TAF15: variants seen among roughly 807,000 people sequenced by gnomAD.
TAF15 encodes the protein TATA-binding protein-associated factor 2N.
In TAF15, 37 loss-of-function variants were observed where a neutral mutation model predicts 102.5. The ratio of observed to expected loss-of-function variants is 0.36; its 90% CI spans 0.28 to 0.47. TAF15 has a LOEUF of 0.47. Among genes scored for constraint, TAF15 ranks in the 20% least tolerant of loss-of-function variants. The pLI is 0.99. For missense variants in TAF15, 652 were observed against 760.7 expected (o/e 0.86, Z 1.68); for synonymous variants, 273 against 259.2 (o/e 1.05, Z -0.51).
chr17:35,815,998 G>A (rs1026444674), intron 1 of TAF15, among the ~76,000 whole-genome samples: 1 of 152,034 alleles, frequency 6.6e-6, no homozygotes, highest in Non-Finnish European at 1.5e-5. Context: ...GTCTCATTCT[G>A]TCGCTAAAGC....
chr17:35,809,767 A>G, intron 1 of TAF15, 191 bp downstream of exon 1: 1 of 739,864 alleles, frequency 1.4e-6, no homozygotes, highest in East Asian at 2.7e-5. Context: ...CCCGGCTGCA[A>G]ATCACGGCGG....
chr17:35,836,194 T>G lies in TAF15; in HGVS notation c.736T>G (p.Ser246Ala). ...IFVQGLGEGV[S>A]TDQVGEFFKQ... ...TGTGCAAGGACTTGGGGAGGGTGTG[T>G]CTACAGATCAAGTTGGGGAGTTCTT... Residue 246 changes from serine (S) to alanine (A), a missense_variant, in exon 10 of 16, where the codon TCT becomes GCT. This residue lies in a region of TAF15 where 41 missense variants were observed against 109.1 expected (regional missense o/e 0.38). Transcript: ENST00000605844. The G allele has an allele frequency of 6.2e-7, 1 of 1,613,742 alleles. No homozygotes were observed. Among genetic ancestry groups the G allele is most frequent in the Non-Finnish European group, 8.5e-7 (1 of 1,179,726 alleles).
intron 2 of TAF15, among the ~76,000 whole-genome samples, chr17:35,819,565 G>A (rs936953652): frequency 1.3e-5 from 2 of 152,158 alleles, no homozygotes; most frequent in African/African-American, 4.8e-5. Context: ...CATCTTTTAG[G>A]AAGTTAAAGC....
intron 1 of TAF15, chr17:35,810,151 C>T (rs1242929449): frequency 6.4e-6 from 1 of 157,042 alleles, no homozygotes; most frequent in Non-Finnish European, 1.4e-5. Flanking sequence ...GCAGTAACCA[C>T]CTGGATTTGA....
At chr17:35,824,864 A>T (rs1363729206) in intron 7 of TAF15, among the ~76,000 whole-genome samples, 1 of 152,098 alleles carries the variant, frequency 6.6e-6, no homozygotes, top group Non-Finnish European at 1.5e-5. Flanking sequence ...AGCATATGTT[A>T]TGAAGCTGGT....
In TAF15 at chr17:35,809,695, G is replaced by T. The variant is rs553706504; in HGVS notation, c.7+119G>T. ...CCTCCGGCCCTGAGGGAGGCTTGGG[G>T]TGGGGGGGCGGCCGCTGCCGCCGCC... On this transcript the variant is annotated intron_variant, in intron 1 of 15. Transcript: ENST00000605844. The T allele has an allele frequency of 7.7e-6, 11 of 1,425,188 alleles. No homozygotes were observed. In the East Asian group the frequency reaches 2.3e-4, roughly 30 times the overall value. 88.3% of individuals were successfully genotyped at this position (1,425,188 alleles called of 1,614,324 possible). A position where few individuals can be genotyped will look rare whatever the true frequency, so the allele number is the denominator to read the frequency against.
rs556454068 is a variant in TAF15, at chr17:35,845,066, T to C, written c.1739+28T>C. On this transcript the variant is annotated intron_variant, in intron 15 of 15. Transcript: ENST00000605844. ...GAGTATTAGAATGTGTTTATTAACCTTTTTACCTCACTGCACCTAGATTGG... is the reference window on the plus strand; with the variant it reads ...GAGTATTAGAATGTGTTTATTAACCCTTTTACCTCACTGCACCTAGATTGG... 32 of 1,613,022 alleles carry C rather than the reference T, an allele frequency of 2.0e-5. No homozygotes were observed. The African/African-American group carries it at 2.9e-4, about 15-fold the overall frequency.
intron 10 of TAF15, among the ~76,000 whole-genome samples, chr17:35,837,687 C>T (rs111862482): frequency 3.2e-4 from 49 of 151,916 alleles, no homozygotes; most frequent in African/African-American, 1.1e-3. Context: ...ATTAGATGGG[C>T]GTGGTGGCAT....
chr17:35,816,445 C>T (rs1394222883), intron 1 of TAF15, among the ~76,000 whole-genome samples: 1 of 152,078 alleles, frequency 6.6e-6, no homozygotes, highest in East Asian at 1.9e-4. Flanking sequence ...TGTGATGGCA[C>T]CACTGCACTC....
At chr17:35,820,622 A>G (rs1227187736) in intron 5 of TAF15, among the ~76,000 whole-genome samples, 185 bp downstream of exon 5, 2 of 151,960 alleles carry the variant, frequency 1.3e-5, no homozygotes, top group Non-Finnish European at 2.9e-5. Context: ...TTTGATTCTT[A>G]TGATGTATTT....
rs1412364517 is a variant in TAF15 at position 35,842,589 on chromosome 17, A to G, written c.1006+130A>G. On this transcript the variant is annotated intron_variant, in intron 12 of 15. Transcript: ENST00000605844. ...TAGGTCTTTTTCCCTCTATCTTAAA[A>G]TGAGTTCAGGTACTGAATATATTAG... The G allele has an allele frequency of 5.5e-6, 4 of 727,818 alleles. No individual in the cohort carries two copies. In the East Asian group the frequency reaches 8.1e-5, roughly 15 times the overall value. 45.1% of individuals were successfully genotyped at this position (727,818 alleles called of 1,614,324 possible). A position where few individuals can be genotyped will look rare whatever the true frequency, so the allele number is the denominator to read the frequency against.
chr17:35,809,494 C>T lies in TAF15; in HGVS notation c.-76C>T, dbSNP rs1361814907. The T allele has an allele frequency of 8.7e-6, 14 of 1,603,266 alleles. No homozygotes were observed. The highest frequency in any genetic ancestry group is 2.2e-5 in the East Asian group (1 of 44,744). ...CGCCGCGCCGCCCTCAGTACAGCTC[C>T]GGCCGCCGCGCCGCCTGGCTTTCGT... is the stretch of plus-strand genomic sequence containing the variant. On this transcript the variant is annotated 5_prime_UTR_variant, in exon 1 of 16. Transcript: ENST00000605844.
In TAF15 at chr17:35,844,134, G is replaced by A. The variant is rs2087580509; in HGVS notation, c.1064G>A (p.Ser355Asn). 6.2e-7 allele frequency: 1 copy of A among 1,614,216 alleles called. No homozygotes were observed. Among genetic ancestry groups the A allele is most frequent in the East Asian group, 2.2e-5 (1 of 44,882 alleles). The change falls in exon 13 of 16, where the codon AGT becomes AAT. Residue 355 changes from serine (S) to asparagine (N), a missense_variant. Ser to Asn is a conservative substitution (Grantham distance 46). Around this residue, in one of 3 missense-constraint regions of TAF15, gnomAD observed 368 missense variants for 367.5 expected, o/e 1.00. Transcript: ENST00000605844. ...CAAGGGAGAGGTGGAGACCCCAAAA[G>A]TGGGGATTGGGTTTGCCCTAATCCG... ...GFQGRGGDPK[S>N]GDWVCPNPSC...
At position 35,844,964 on chromosome 17, in the gene TAF15, T is replaced by C. The variant is rs773164507; in HGVS notation, c.1665T>C (p.Gly555=). 1.3e-6 allele frequency: 2 copies of C among 1,592,720 alleles called. No homozygotes were observed. The highest frequency in any genetic ancestry group is 3.5e-5 in the Admixed American group (2 of 57,312). Residue 555 remains glycine (G), a synonymous_variant, in exon 15 of 16, where the codon GGT becomes GGC. Transcript: ENST00000605844. ...GAGGCTATGGAGGAGACAGGAGTGG[T>C]GGCGGCTATGGAGGAGACCGAGGTG... The part of the protein sequence containing the change: ...RSGGYGGDRS[G]GGYGGDRGGG...
At chr17:35,827,853 AAG>A (rs2087350284) in intron 7 of TAF15, among the ~76,000 whole-genome samples, 1 of 152,322 alleles carries the variant, frequency 6.6e-6, no homozygotes, top group East Asian at 1.9e-4. Context: ...CCAAGTGTGA[AAG>A]AGAGATAAAT....
chr17:35,833,814 C>G (rs1240935775), intron 7 of TAF15, 93 bp from the exon 8 acceptor site: 2 of 1,321,746 alleles, frequency 1.5e-6, no homozygotes, highest in Non-Finnish European at 2.2e-6. Flanking sequence ...TTCCTAAGCA[C>G]TCTACTTGTG....
In TAF15 at chr17:35,844,658, T is replaced by C. The variant is rs1301559653; in HGVS notation, c.1359T>C (p.Gly453=). Residue 453 remains glycine, a synonymous_variant, in exon 15 of 16, where the codon GGT becomes GGC. Transcript: ENST00000605844. ...GCTATGGTGGAGACAGAAGTGGGGG[T>C]GGCTATGGTGGGGACAGAGGCGGCG... ...GGGYGGDRSG[G]GYGGDRGGGY... 3.3e-4 allele frequency: 463 copies of C among 1,388,886 alleles called. 1 individual carries two copies. The African/African-American group carries it at 5.1e-3, about 15-fold the overall frequency. 86.0% of individuals were successfully genotyped at this position (1,388,886 alleles called of 1,614,324 possible). A position where few individuals can be genotyped will look rare whatever the true frequency, so the allele number is the denominator to read the frequency against.
rs749226539 is a variant in TAF15, at chr17:35,822,711, G to A, written c.362G>A (p.Gly121Asp). The part of the protein sequence containing the change: ...GQQDSYDQQS[G>D]YDQHQGSYDE... ...CAAGATTCATATGACCAGCAGTCAG[G>A]CTATGATCAACATCAAGGCTCATAT... The change falls in exon 6 of 16, where the codon GGC (glycine) becomes GAC (aspartate). Residue 121 changes from glycine (G) to aspartate (D), a missense_variant. Gly to Asp is a moderately conservative substitution (Grantham distance 94, BLOSUM62 -1). This residue lies in a region of TAF15 where 243 missense variants were observed against 284.1 expected (regional missense o/e 0.86). Transcript: ENST00000605844. The A allele has an allele frequency of 5.6e-6, 9 of 1,614,128 alleles. No homozygotes were observed. The South Asian group carries it at 9.9e-5, about 18-fold the overall frequency.
intron 1 of TAF15, chr17:35,810,789 G>A (rs749436952): frequency 2.0e-5 from 3 of 152,200 alleles, no homozygotes; most frequent in Non-Finnish European, 4.4e-5. Flanking sequence ...CTACAAATTA[G>A]CGGGAACCTT....
Sources: gnomAD v4.1 joint callset for allele counts (sites outside exome capture counted in the v4.1 genomes callset) on GRCh38, gnomAD v4.1.1 for gene constraint, gnomAD v4.1.1 regional missense constraint, MANE v1.5 for transcripts, NCBI Gene and HGNC (gene_info 2026-07-23, HGNC 2026-07-21) for gene names.